The following CORO7 variants were observed in gnomAD, a reference collection of about 807,000 sequenced individuals.
The protein encoded by CORO7 is coronin 7.
CORO7 carries 107 observed loss-of-function variants against 126.6 expected under a neutral mutation model. That is an observed-to-expected ratio of 0.85 (90% CI 0.72 to 0.99). The LOEUF is 0.99. CORO7 is among the 50% of genes least tolerant of loss of function. The pLI, the probability that CORO7 is intolerant of heterozygous loss-of-function variation, is 0.00. For synonymous variants in CORO7, 603 were observed against 536.8 expected, an observed-to-expected ratio of 1.12 and a Z score of -1.70; for missense variants, 1,314 against 1,255.8, an observed-to-expected ratio of 1.05 and a Z score of -0.70.
intron 5 of CORO7, among the ~76,000 whole-genome samples, chr16:4,406,831 C>T (rs111613591): frequency 0.048 from 7,332 of 151,358 alleles, 217 homozygotes; most frequent in Admixed American, 0.1. Flanking sequence ...AGTAGAGACG[C>T]GGTTTCACTA....
chr16:4,356,773 G>A, intron 26 of CORO7: 1 of 225,528 alleles, frequency 4.4e-6, no homozygotes, highest in South Asian at 5.2e-5. Context: ...CAAAATCGAT[G>A]GGTTTCTATT....
Position 4,362,935 on chromosome 16 carries a change from G to A in CORO7, c.1276-197C>T, listed in dbSNP as rs1448754689. ...GGGAAGCAGCCGAGCTTCAGACCGC[G>A]GGGACAGCAAGTGGCAGCTGCTGGC... On this transcript the variant is annotated intron_variant, in intron 14 of 27. Coordinates refer to ENST00000251166, the MANE Select transcript of CORO7 (RefSeq NM_024535.5). This position sits in a 1 kb window ranked among gnomAD's most constrained non-coding sequence, Gnocchi z 5.3. 7 of 558,420 alleles carry A rather than the reference G, an allele frequency of 1.3e-5. No individual in the cohort carries two copies. Among genetic ancestry groups the A allele is most frequent in the Non-Finnish European group, 1.3e-5 (5 of 372,568 alleles). The allele number at this position is 558,420 out of a possible 1,614,324, so 34.6% of individuals were successfully genotyped here. A position where few individuals can be genotyped will look rare whatever the true frequency, so the allele number is the denominator to read the frequency against.
intron 9 of CORO7, chr16:4,383,078 C>A: frequency 1.5e-6 from 1 of 685,632 alleles, no homozygotes; most frequent in Non-Finnish European, 2.3e-6. Context: ...CTGTGAGATG[C>A]TGTGGCCCAG....
rs1405039785 is a variant in CORO7, at chr16:4,412,399, T to C, written c.189A>G (p.Gln63=). Residue 63 remains glutamine (Q), a synonymous_variant, in exon 3 of 28, where the codon CAA becomes CAG. Coordinates refer to ENST00000251166, the MANE Select transcript of CORO7 (RefSeq NM_024535.5). The stretch of plus-strand genomic sequence containing the variant: ...GGGCCACGCGTCGCTTGTCCTCTCC[T>C]TGGCCTTGCAGAGGCACAATGCCCA... ...GVLGIVPLQG[Q]GEDKRRVAHL... The C allele has an allele frequency of 6.2e-7, 1 of 1,614,204 alleles. No homozygotes were observed. Among genetic ancestry groups the C allele is most frequent in the East Asian group, 2.2e-5 (1 of 44,870 alleles).
Position 4,360,343 on chromosome 16 carries a change from T to C in CORO7, c.2043A>G (p.Gly681=), listed in dbSNP as rs1293140326. 1.2e-6 allele frequency: 2 copies of C among 1,613,496 alleles called. No individual in the cohort carries two copies. The change falls in exon 21 of 28, where the codon GGA becomes GGG. Residue 681 remains glycine (G), a synonymous_variant. Coordinates refer to ENST00000251166, the MANE Select transcript of CORO7 (RefSeq NM_024535.5). ...CCCAGACAATGCGAGCTCCGCGTCC[T>C]CCCTTGGGCCCTGGGCCTTCCTGTT... ...EPLQEGPGPK[G]GRGARIVWVC... is the part of the protein sequence containing the mutation.
rs754374627 is a variant in CORO7, at chr16:4,364,980, G to C, written c.898+23C>G. On this transcript the variant is annotated intron_variant, in intron 11 of 27. Coordinates refer to ENST00000251166, the MANE Select transcript of CORO7 (RefSeq NM_024535.5). Reference sequence around the variant, plus strand: ...GGCAGGGGAGGGGAGGGTAGGGGATGGGGGCGAGGAAGCAAGGCTTACCTG... The same window carrying C: ...GGCAGGGGAGGGGAGGGTAGGGGATCGGGGCGAGGAAGCAAGGCTTACCTG... 1.9e-6 allele frequency: 3 copies of C among 1,605,154 alleles called. No individual in the cohort carries two copies. In the South Asian group the frequency reaches 3.3e-5, roughly 18 times the overall value.
chr16:4,391,373 T>C (rs545387968), intron 7 of CORO7, among the ~76,000 whole-genome samples: 20 of 152,238 alleles, frequency 1.3e-4, no homozygotes, highest in African/African-American at 4.3e-4. Flanking sequence ...CTGGCCAACA[T>C]GGTGAAACCC....
At chr16:4,372,911 G>C (rs9938718) in intron 9 of CORO7, among the ~76,000 whole-genome samples, 14,416 of 152,248 alleles carry the variant, frequency 0.095, 1,316 homozygotes, top group African/African-American at 0.23. Flanking sequence ...GCTCTGGAGA[G>C]AGGCAGCGGG....
At chr16:4,405,329 G>T (rs528978140) in intron 6 of CORO7, 162 bp downstream of exon 6, 5 of 662,024 alleles carry the variant, frequency 7.6e-6, no homozygotes, top group Non-Finnish European at 1.2e-5. Flanking sequence ...GTAGGTGAGC[G>T]GGGGTGTGAG....
chr16:4,396,967 G>C (rs1165567245), intron 6 of CORO7, among the ~76,000 whole-genome samples: 2 of 141,298 alleles, frequency 1.4e-5, no homozygotes, highest in African/African-American at 5.4e-5. Context: ...AGTGAGCTGA[G>C]ATTGCACCAC....
At chr16:4,399,844 A>G (rs1393143481) in intron 6 of CORO7, among the ~76,000 whole-genome samples, 1 of 152,152 alleles carries the variant, frequency 6.6e-6, no homozygotes, top group East Asian at 1.9e-4. Context: ...CAAGCTAAAA[A>G]AAAAAGAAGA....
At chr16:4,406,849 C>T (rs760574755) in intron 5 of CORO7, among the ~76,000 whole-genome samples, 2 of 151,768 alleles carry the variant, frequency 1.3e-5, no homozygotes, top group Non-Finnish European at 2.9e-5. Context: ...CTATGTTGGC[C>T]AGGCTAGTCT....
At chr16:4,380,948 G>A in intron 9 of CORO7, 1 of 1,598,946 alleles carries the variant, frequency 6.3e-7, no homozygotes, top group Non-Finnish European at 8.5e-7. Context: ...GTGCAGGGCT[G>A]CCCATCCGGC....
chr16:4,397,878 G>A (rs1179414817), intron 6 of CORO7, among the ~76,000 whole-genome samples: 4 of 152,184 alleles, frequency 2.6e-5, no homozygotes, highest in African/African-American at 7.2e-5. Context: ...GCCTCCCAAA[G>A]TGCTGGGATT....
chr16:4,395,241 A>G (rs772701191), intron 7 of CORO7, 48 bp downstream of exon 7: 3 of 1,613,018 alleles, frequency 1.9e-6, no homozygotes, highest in Non-Finnish European at 2.5e-6. Context: ...CTGGGTCCTC[A>G]GCCTCAGTGG....
chr16:4,382,902 CAGAG>C, intron 9 of CORO7: 1 of 1,500,356 alleles, frequency 6.7e-7, no homozygotes, highest in Non-Finnish European at 8.9e-7. Context: ...ACATCTAAGC[CAGAG>C]AGAGACAGGG....
Position 4,381,287 on chromosome 16 carries a change from G to A in CORO7, c.785+6699C>T, listed in dbSNP as rs565429067. 29 of 1,612,222 alleles carry A rather than the reference G, an allele frequency of 1.8e-5. No individual in the cohort carries two copies. The highest frequency in any genetic ancestry group is 8.3e-5 in the Admixed American group (5 of 59,962). On this transcript the variant is annotated intron_variant, in intron 9 of 27. Coordinates refer to ENST00000251166, the MANE Select transcript of CORO7 (RefSeq NM_024535.5). The stretch of plus-strand genomic sequence containing the variant: ...CTCTACCTGGGCAAGAACCGCATCC[G>A]CCACATCCAGCCTGGTGCCTTCGAC...
At chr16:4,360,665 T>G in intron 19 of CORO7, 117 bp from the exon 20 acceptor site, 1 of 1,368,958 alleles carries the variant, frequency 7.3e-7, no homozygotes, top group Non-Finnish European at 9.8e-7. Context: ...TGTTCCCGCC[T>G]CTCCTCACTG....
At chr16:4,394,859 G>C (rs974774610) in intron 7 of CORO7, among the ~76,000 whole-genome samples, 3 of 152,244 alleles carry the variant, frequency 2.0e-5, no homozygotes, top group Non-Finnish European at 2.9e-5. Flanking sequence ...ACACAAACCA[G>C]AACACGCTCA....
Sources: allele counts gnomAD v4.1 joint callset (sites outside exome capture counted in the v4.1 genomes callset), GRCh38; gene constraint gnomAD v4.1.1; non-coding constraint Gnocchi (gnomAD v3.1); transcripts MANE v1.5; gene names NCBI Gene and HGNC (gene_info 2026-07-23, HGNC 2026-07-21).